Variants in UBTF observed in about 807,000 individuals in gnomAD.
UBTF encodes the protein upstream binding transcription factor.
UBTF carries 8 observed loss-of-function variants against 112.3 expected under a neutral mutation model. The ratio of observed to expected loss-of-function variants is 0.07; its 90% confidence interval spans 0.04 to 0.13. UBTF has a LOEUF of 0.13. Ranked by LOEUF, UBTF falls within the 10% of genes least tolerant of loss-of-function variation. UBTF has a pLI of 1.00. For synonymous variants in UBTF, 417 were observed against 373.1 expected, an observed-to-expected ratio of 1.12 and a Z score of -1.36; for missense variants, 457 against 982.1, an observed-to-expected ratio of 0.47 and a Z score of 7.15.
rs181928247 is a variant in UBTF at position 44,215,515 on chromosome 17, G to A, written c.474+139C>T. ...GAGGAAGGGGCAATCAGGTGTGGCT[G>A]CCCAGGACCTATTCTGCTGTGCTGA... On this transcript the variant is annotated intron_variant, in intron 5 of 20. Coordinates refer to ENST00000436088, the MANE Select transcript of UBTF (RefSeq NM_014233.4). The A allele has an allele frequency of 2.8e-3, 2,963 of 1,076,964 alleles. 9 individuals carry two copies. The highest frequency in any genetic ancestry group is 3.3e-3 in the Non-Finnish European group (2,465 of 740,996). The allele number at this position is 1,076,964 out of a possible 1,614,324, so 66.7% of individuals were successfully genotyped here.
intron 5 of UBTF, 111 bp downstream of exon 5, chr17:44,215,543 C>G: frequency 7.2e-7 from 1 of 1,390,570 alleles, no homozygotes; most frequent in Non-Finnish European, 1.0e-6. Flanking sequence ...TGTGCTGACT[C>G]ACCCTCATCC....
chr17:44,209,812 C>T (rs1171968743), intron 15 of UBTF, 79 bp from the exon 16 acceptor site: 1 of 1,449,596 alleles, frequency 6.9e-7, no homozygotes, highest in Non-Finnish European at 9.5e-7. Context: ...CCATCAGCAC[C>T]TTAGCTGGCT....
At chr17:44,212,974 G>A (rs1182705209) in intron 6 of UBTF, 35 bp from the exon 7 acceptor site, 4 of 1,610,402 alleles carry the variant, frequency 2.5e-6, no homozygotes, top group Admixed American at 1.7e-5. Flanking sequence ...ATCAGCAGGG[G>A]ACGCTGCCAG....
At position 44,211,030 on chromosome 17, in the gene UBTF, T is replaced by C; in HGVS notation, c.1203+9A>G. 6.2e-7 allele frequency: 1 copy of C among 1,608,816 alleles called. No individual in the cohort carries two copies. The highest frequency in any genetic ancestry group is 8.5e-7 in the Non-Finnish European group (1 of 1,178,576). ...CACCCCCGCCTGCGCGGCCGCACCC[T>C]CTGCCCACCTTGCCCCCTTCCTGGG... On this transcript the variant is annotated intron_variant, in intron 12 of 20. Coordinates refer to ENST00000436088, the MANE Select transcript of UBTF (RefSeq NM_014233.4). The surrounding 1 kb of genome is among the most constrained non-coding windows in gnomAD (Gnocchi z 4.9).
At chr17:44,220,538 TA>T (rs78711085), upstream of UBTF, among the ~76,000 whole-genome samples, 3,730 of 145,700 alleles carry the variant, frequency 0.026, 69 homozygotes, top group East Asian at 0.062. Flanking sequence ...ACCTCTGCAT[TA>T]AAAAAAAAAA....
In UBTF at chr17:44,215,882, A is replaced by ATGC. The variant is rs775668293; in HGVS notation, c.318+21_318+23dup. 24 of 1,613,672 alleles carry ATGC rather than the reference A, an allele frequency of 1.5e-5. No homozygotes were observed. In the East Asian group the frequency reaches 4.5e-4, roughly 30 times the overall value. The stretch of plus-strand genomic sequence containing the variant: ...TTGGACCTTTCCTCCCATACCCCTC[A>ATGC]TGCTCCTCCTCCTAGTAACTCACCT... On this transcript the variant is annotated intron_variant, in intron 4 of 20. Transcript: ENST00000436088.
At chr17:44,209,831 C>G in intron 15 of UBTF, 98 bp from the exon 16 acceptor site, 1 of 1,324,560 alleles carries the variant, frequency 7.5e-7, no homozygotes, top group Non-Finnish European at 1.1e-6. Flanking sequence ...CTGTCTTTTT[C>G]TGTGCCAGGG....
chr17:44,212,573 C>T, intron 7 of UBTF, 119 bp from the exon 8 acceptor site: 1 of 1,038,548 alleles, frequency 9.6e-7, no homozygotes, highest in Non-Finnish European at 1.4e-6. Context: ...ATCAGTGTCC[C>T]CCACAGGCCA....
At chr17:44,217,908 G>A (rs1406473758) in intron 2 of UBTF, among the ~76,000 whole-genome samples, 2 of 152,192 alleles carry the variant, frequency 1.3e-5, no homozygotes, top group African/African-American at 4.8e-5. Flanking sequence ...ACTTCAGGCT[G>A]AATGGGAACC....
intron 20 of UBTF, 31 bp downstream of exon 20, chr17:44,207,423 C>T (rs375943727): frequency 6.2e-7 from 1 of 1,612,226 alleles, no homozygotes; most frequent in African/African-American, 1.3e-5. Flanking sequence ...CAGGACTCCC[C>T]TCCCCTCCCA....
In UBTF at chr17:44,207,348, T is replaced by A; in HGVS notation, c.2189A>T (p.Asp730Val). ...ATCGTCATCCTCGTCGTCGTCTTCG[T>A]CCTCGTCATCCTCTTCATTCTGGGG... ...DGDENEEDDE[D>V]EDDDEDDDED... is the part of the protein sequence containing the mutation. The change falls in exon 21 of 21, where the codon GAC (aspartate) becomes GTC (valine). Residue 730 changes from aspartate (D) to valine (V), a missense_variant. This residue lies in a region of UBTF where 139 missense variants were observed against 157.5 expected (regional missense o/e 0.88). Coordinates refer to ENST00000436088, the MANE Select transcript of UBTF (RefSeq NM_014233.4). The A allele has an allele frequency of 6.2e-7, 1 of 1,612,758 alleles. No homozygotes were observed. The highest frequency in any genetic ancestry group is 8.5e-7 in the Non-Finnish European group (1 of 1,179,458).
At chr17:44,213,604 C>A (rs1039969743) in intron 5 of UBTF, among the ~76,000 whole-genome samples, 7 of 152,240 alleles carry the variant, frequency 4.6e-5, no homozygotes, top group Non-Finnish European at 8.8e-5. Flanking sequence ...TGAGCCTCCC[C>A]CACTCGTTTC....
chr17:44,207,821 T>C (rs1051299271), intron 18 of UBTF, 43 bp downstream of exon 18: 4 of 1,614,010 alleles, frequency 2.5e-6, no homozygotes, highest in Non-Finnish European at 3.4e-6. Context: ...CACCCCTGAA[T>C]TCCCCCACCC....
chr17:44,218,483 C>G lies in UBTF; in HGVS notation c.-67-187G>C. The G allele has an allele frequency of 1.3e-5, 6 of 479,782 alleles. 1 individual carries two copies. In the South Asian group the frequency reaches 1.8e-4, roughly 14 times the overall value. 29.7% of individuals were successfully genotyped at this position (479,782 alleles called of 1,614,324 possible). A position where few individuals can be genotyped will look rare whatever the true frequency, so the allele number is the denominator to read the frequency against. ...TCTTCCTCGTGACCCCCTCCCCCAGCCCCTGCAGCCCGGCTCCGCGGCGCG... is the reference window on the plus strand; with the variant it reads ...TCTTCCTCGTGACCCCCTCCCCCAGGCCCTGCAGCCCGGCTCCGCGGCGCG... On this transcript the variant is annotated intron_variant, in intron 1 of 20. Transcript: ENST00000436088.
chr17:44,208,901 G>C (rs919274460), intron 17 of UBTF: 6 of 359,182 alleles, frequency 1.7e-5, no homozygotes, highest in Non-Finnish European at 3.3e-5. Context: ...AAGGGTGATA[G>C]TGGCTGCGGA....
rs899398476 is a variant in UBTF, at chr17:44,212,120, G to A, written c.772-114C>T. On this transcript the variant is annotated intron_variant, in intron 8 of 20. Coordinates refer to ENST00000436088, the MANE Select transcript of UBTF (RefSeq NM_014233.4). ...AGGGAGCAAAGCTGGGGGTGGCTGCGCGTCAGTGGTGTCACACGAGACGTG... is the reference window on the plus strand; with the variant it reads ...AGGGAGCAAAGCTGGGGGTGGCTGCACGTCAGTGGTGTCACACGAGACGTG... 38 of 1,136,352 alleles carry A rather than the reference G, an allele frequency of 3.3e-5. No homozygotes were observed. In the Admixed American group the frequency reaches 5.2e-4, roughly 16 times the overall value. The allele number at this position is 1,136,352 out of a possible 1,614,324, so 70.4% of individuals were successfully genotyped here. A position where few individuals can be genotyped will look rare whatever the true frequency, so the allele number is the denominator to read the frequency against.
chr17:44,207,550 A>T lies in UBTF; in HGVS notation c.2073T>A (p.Asp691Glu), dbSNP rs747351800. 2 of 1,613,086 alleles carry T rather than the reference A, an allele frequency of 1.2e-6. No individual in the cohort carries two copies. The highest frequency in any genetic ancestry group is 2.2e-5 in the South Asian group (2 of 91,014). The change falls in exon 20 of 21, where the codon GAT becomes GAA. Residue 691 changes from aspartate (D) to glutamate (E), a missense_variant. Physicochemically the swap from Asp to Glu is conservative, Grantham distance 45. This residue lies in a region of UBTF where 139 missense variants were observed against 157.5 expected (regional missense o/e 0.88). Transcript: ENST00000436088. ...DEEDEDDEDE[D>E]EEEEDDENGD... ...CATTCTCATCATCTTCCTCTTCTTC[A>T]TCCTCGTCCTCGTCATCCTCATCCT...
At chr17:44,212,247 TG>T (rs1004316323) in intron 8 of UBTF, 96 bp downstream of exon 8, 2 of 922,480 alleles carry the variant, frequency 2.2e-6, no homozygotes, top group African/African-American at 1.8e-5. Flanking sequence ...AACAGAGGGA[TG>T]GGGAGTGACA....
Position 44,206,635 on chromosome 17 carries a change from A to AT in UBTF, c.*606_*607insA, listed in dbSNP as rs1157909358. 2 of 151,784 alleles carry AT rather than the reference A, an allele frequency of 1.3e-5. No individual in the cohort carries two copies. The highest frequency in any genetic ancestry group is 3.4e-3 in the Middle Eastern group (1 of 296). 9.4% of individuals were successfully genotyped at this position (151,784 alleles called of 1,614,324 possible). A position where few individuals can be genotyped will look rare whatever the true frequency, so the allele number is the denominator to read the frequency against. On this transcript the variant is annotated 3_prime_UTR_variant, in exon 21 of 21. Coordinates refer to ENST00000436088, the MANE Select transcript of UBTF (RefSeq NM_014233.4). Reference sequence around the variant, plus strand: ...GTTGACAGCTCAGAGCTTAAAAAAAAATATATACACATATATAAAAAACAC... The same window carrying AT: ...GTTGACAGCTCAGAGCTTAAAAAAAATATATATACACATATATAAAAAACAC...
Sources: gnomAD v4.1 joint callset for allele counts (sites outside exome capture counted in the v4.1 genomes callset) on GRCh38, gnomAD v4.1.1 for gene constraint, gnomAD v4.1.1 regional missense constraint, Gnocchi (gnomAD v3.1) non-coding constraint, MANE v1.5 for transcripts, NCBI Gene and HGNC (gene_info 2026-07-23, HGNC 2026-07-21) for gene names.